GABRG1: variants seen among roughly 807,000 people sequenced by gnomAD.
The protein encoded by GABRG1 is gamma-aminobutyric acid receptor subunit gamma-1.
A neutral mutation model predicts 49.8 loss-of-function variants in GABRG1; 49 were observed. That is an observed-to-expected ratio of 0.98 (90% CI 0.78 to 1.25). The LOEUF (loss-of-function observed/expected upper bound fraction) is 1.25. Among genes scored for constraint, GABRG1 ranks in the 50% most tolerant of loss-of-function variants. GABRG1 has a pLI of 0.00. For missense variants in GABRG1, 552 were observed against 552.3 expected (o/e 1.00, Z 0.01); for synonymous variants, 232 against 185.1 (o/e 1.25, Z -2.06).
At chr4:46,069,289 A>C (rs367905080) in intron 3 of GABRG1, among the ~76,000 whole-genome samples, 33 of 152,216 alleles carry the variant, frequency 2.2e-4, no homozygotes, top group African/African-American at 7.5e-4. Flanking sequence ...CTGTCTAGTC[A>C]CATGGCCAGA....
chr4:46,101,658 T>C (rs150358812), intron 1 of GABRG1, among the ~76,000 whole-genome samples: 62 of 151,800 alleles, frequency 4.1e-4, no homozygotes, highest in Admixed American at 1.1e-3. Context: ...AGAAAACATT[T>C]TCAATCCAAT....
intron 8 of GABRG1, among the ~76,000 whole-genome samples, chr4:46,042,062 G>A (rs1717807501): frequency 6.6e-6 from 1 of 151,826 alleles, no homozygotes; most frequent in African/African-American, 2.4e-5. Flanking sequence ...TGGCTTCTAT[G>A]TTTTCTTCTG....
intron 3 of GABRG1, among the ~76,000 whole-genome samples, chr4:46,071,088 A>C (rs962669286): frequency 1.3e-5 from 2 of 152,052 alleles, no homozygotes; most frequent in African/African-American, 4.8e-5. Flanking sequence ...ACGTCCTAGC[A>C]CAACAGATTA....
chr4:46,059,268 C>A (rs928047152), intron 5 of GABRG1, among the ~76,000 whole-genome samples: 9 of 152,106 alleles, frequency 5.9e-5, no homozygotes, highest in African/African-American at 2.2e-4. Context: ...CGAAACGTGG[C>A]ATGCAATATG....
chr4:46,123,785 G>C (rs1276751476), intron 1 of GABRG1, 25 bp downstream of exon 1: 1 of 1,551,722 alleles, frequency 6.4e-7, no homozygotes. Context: ...GCAAAGAATA[G>C]TTTTAAACCC....
chr4:46,101,305 C>T (rs1319957882), intron 1 of GABRG1, among the ~76,000 whole-genome samples: 1 of 151,492 alleles, frequency 6.6e-6, no homozygotes, highest in Admixed American at 6.6e-5. Context: ...TTAAAGTTTT[C>T]CTGGCACAAC....
intron 3 of GABRG1, among the ~76,000 whole-genome samples, chr4:46,082,003 C>T (rs1426779632): frequency 6.6e-6 from 1 of 151,788 alleles, no homozygotes; most frequent in Non-Finnish European, 1.5e-5. Flanking sequence ...TGTGCTACTT[C>T]GTTGTGGCAA....
intron 8 of GABRG1, among the ~76,000 whole-genome samples, chr4:46,046,389 CTCTA>C (rs1718000370): frequency 1.3e-5 from 2 of 152,200 alleles, no homozygotes; most frequent in African/African-American, 2.4e-5. Context: ...TAACTGGTTA[CTCTA>C]TCTATTGAAA....
At chr4:46,047,584 T>G (rs1463146202) in intron 8 of GABRG1, among the ~76,000 whole-genome samples, 1 of 152,082 alleles carries the variant, frequency 6.6e-6, no homozygotes, top group Non-Finnish European at 1.5e-5. Context: ...GCCACATAGG[T>G]CTGGCTTTGT....
At chr4:46,101,481 G>A (rs1029006873) in intron 1 of GABRG1, among the ~76,000 whole-genome samples, 3 of 151,618 alleles carry the variant, frequency 2.0e-5, no homozygotes, top group Non-Finnish European at 2.9e-5. Context: ...AACTCAAGGA[G>A]TCGCACACTA....
chr4:46,055,148 C>T (rs1577634927), intron 7 of GABRG1, among the ~76,000 whole-genome samples: 1 of 13,612 alleles, frequency 7.3e-5, no homozygotes, highest in East Asian at 2.0e-3. Flanking sequence ...AAGAAACTAC[C>T]ATCAGAGTGA....
At chr4:46,041,382 G>T in intron 8 of GABRG1, 128 bp from the exon 9 acceptor site, 1 of 777,942 alleles carries the variant, frequency 1.3e-6, no homozygotes, top group Non-Finnish European at 2.0e-6. Flanking sequence ...AAAAAATCAA[G>T]TATTTTCAAT....
In GABRG1 at chr4:46,036,004, G is replaced by C. The variant is rs993157178; in HGVS notation, c.*4984C>G. On this transcript the variant is annotated 3_prime_UTR_variant, in exon 9 of 9. Transcript: ENST00000295452. The stretch of plus-strand genomic sequence containing the variant: ...ATAGATGCAAATAATTGTTATTACA[G>C]TGAAGGATTGAAAACCAAACTATTT... 3 of 151,920 alleles carry C rather than the reference G, an allele frequency of 2.0e-5. No individual in the cohort carries two copies. Among genetic ancestry groups the C allele is most frequent in the Non-Finnish European group, 2.9e-5 (2 of 67,880 alleles). 9.4% of individuals were successfully genotyped at this position (151,920 alleles called of 1,614,324 possible). A position where few individuals can be genotyped will look rare whatever the true frequency, so the allele number is the denominator to read the frequency against.
chr4:46,051,558 T>C lies in GABRG1; in HGVS notation c.997A>G (p.Met333Val). Residue 333 changes from methionine to valine, a missense_variant, in exon 8 of 9, where the codon ATG becomes GTG. Met to Val is a conservative substitution (Grantham distance 21, BLOSUM62 1). Coordinates refer to ENST00000295452, the MANE Select transcript of GABRG1 (RefSeq NM_173536.4). ...SLPKVSYVTAMDLFVSVCFIF... is the reference protein window; with the variant it reads ...SLPKVSYVTAVDLFVSVCFIF... The stretch of plus-strand genomic sequence containing the variant: ...AAACAAACAGAAACAAAGAGATCCA[T>C]CGCAGTCACATAAGAAACCTTAGGT... The C allele has an allele frequency of 1.2e-6, 2 of 1,611,664 alleles. No individual in the cohort carries two copies. Among genetic ancestry groups the C allele is most frequent in the Non-Finnish European group, 1.7e-6 (2 of 1,178,538 alleles).
At chr4:46,069,900 C>T (rs559105452) in intron 3 of GABRG1, among the ~76,000 whole-genome samples, 41 of 151,918 alleles carry the variant, frequency 2.7e-4, no homozygotes, top group African/African-American at 5.3e-4. Context: ...AAAGATTTCA[C>T]GACAGATGTT....
chr4:46,100,450 A>G (rs1326647922), intron 1 of GABRG1, among the ~76,000 whole-genome samples: 2 of 144,306 alleles, frequency 1.4e-5, no homozygotes, highest in Non-Finnish European at 3.0e-5. Flanking sequence ...AAACCTTTAC[A>G]TGTACCCCTG....
In GABRG1 at chr4:46,076,393, A is replaced by ATATG. The variant is rs1560360819; in HGVS notation, c.321+7592_321+7593insCATA. Among the ~76,000 whole-genome samples the ATATG allele has an allele frequency of 1.2e-4, 17 of 140,690 alleles. No individual in the cohort carries two copies. In the South Asian group the frequency reaches 3.4e-3, roughly 28 times the overall value. The allele number at this position is 140,690 out of a possible 152,430, so 92.3% of individuals were successfully genotyped here. ...TATATATATATATATATATATATAT[A>ATATG]TATATATATATGCTAAATTACTTTT... On this transcript the variant is annotated intron_variant, in intron 3 of 8. Coordinates refer to ENST00000295452, the MANE Select transcript of GABRG1 (RefSeq NM_173536.4).
chr4:46,112,994 T>G (rs1476888648), intron 1 of GABRG1, among the ~76,000 whole-genome samples: 6 of 151,080 alleles, frequency 4.0e-5, no homozygotes, highest in Non-Finnish European at 7.4e-5. Flanking sequence ...CATTATGGTC[T>G]TCCACTTCAA....
intron 3 of GABRG1, among the ~76,000 whole-genome samples, chr4:46,066,811 C>T (rs1718934760): frequency 6.6e-6 from 1 of 150,644 alleles, no homozygotes. Flanking sequence ...TAATCAATGC[C>T]ATAGAGGAAA....
Sources: allele counts gnomAD v4.1 joint callset (sites outside exome capture counted in the v4.1 genomes callset), GRCh38; gene constraint gnomAD v4.1.1; transcripts MANE v1.5; gene names NCBI Gene and HGNC (gene_info 2026-07-23, HGNC 2026-07-21).